The following ZDHHC2 variants were observed in gnomAD, a reference collection of about 807,000 sequenced individuals.
ZDHHC2 encodes the protein zDHHC palmitoyltransferase 2.
Under a neutral mutation model 55.6 loss-of-function variants are expected in ZDHHC2, and 51 were observed. That is an observed-to-expected ratio of 0.92 (90% CI 0.73 to 1.16). ZDHHC2 has a LOEUF of 1.16. Among genes scored for constraint, ZDHHC2 ranks in the 50% most tolerant of loss-of-function variants. The probability of loss-of-function intolerance (pLI) is 0.00; values close to 1 mark genes in which losing one functional copy is unlikely to be tolerated. For missense variants in ZDHHC2, 491 were observed against 442.4 expected (o/e 1.11, Z -0.99); for synonymous variants, 199 against 152.9 (o/e 1.30, Z -2.22).
At chr8:17,200,685 A>T (rs1806713868) in intron 6 of ZDHHC2, among the ~76,000 whole-genome samples, 1 of 152,230 alleles carries the variant, frequency 6.6e-6, no homozygotes, top group Admixed American at 6.5e-5. Flanking sequence ...ATTTGGCCTC[A>T]TGAGATACTT....
rs1554466016 is a variant in ZDHHC2, at chr8:17,199,509, T to TTCGTCTTCGTCTTCGTCTTCGTCTTCG, written c.476+1098_476+1099insGTCTTCGTCTTCGTCTTCGTCTTCGTC. On this transcript the variant is annotated intron_variant, in intron 6 of 12. Coordinates refer to ENST00000262096, the MANE Select transcript of ZDHHC2 (RefSeq NM_016353.5). ...CTTCTTCTTCTTCTTCTTCTTCTTC[T>TTCGTCTTCGTCTTCGTCTTCGTCTTCG]TCTTCGTCTTCGTCTTCGTCTTCTG... 3.3e-4 allele frequency among the ~76,000 whole-genome samples: 40 copies of TTCGTCTTCGTCTTCGTCTTCGTCTTCG among 121,174 alleles called. 1 individual carries two copies. The highest frequency in any genetic ancestry group is 1.4e-3 in the African/African-American group (39 of 27,306). 79.5% of individuals were successfully genotyped at this position (121,174 alleles called of 152,430 possible).
At chr8:17,189,706 A>G (rs1014581050) in intron 3 of ZDHHC2, among the ~76,000 whole-genome samples, 22 of 152,228 alleles carry the variant, frequency 1.4e-4, no homozygotes, top group African/African-American at 5.3e-4. Flanking sequence ...GATTGGACAG[A>G]GTGGCAAAAG....
chr8:17,199,464 GACTTCT>G (rs1806510667), intron 6 of ZDHHC2, among the ~76,000 whole-genome samples: 6 of 92,136 alleles, frequency 6.5e-5, no homozygotes, highest in Non-Finnish European at 6.2e-5. Context: ...TCTTTAATAA[GACTTCT>G]TCTTCTTCTT....
chr8:17,196,525 G>A (rs963834415), intron 4 of ZDHHC2, among the ~76,000 whole-genome samples: 1 of 151,824 alleles, frequency 6.6e-6, no homozygotes, highest in African/African-American at 2.4e-5. Context: ...CTGCACTGCC[G>A]CCTGGGTGAC....
intron 10 of ZDHHC2, among the ~76,000 whole-genome samples, chr8:17,213,631 C>G (rs1264045783): frequency 6.6e-6 from 1 of 152,090 alleles, no homozygotes; most frequent in Non-Finnish European, 1.5e-5. Flanking sequence ...TATTTCTCTT[C>G]CTCCATAACA....
At chr8:17,181,281 T>C (rs1240791932) in intron 1 of ZDHHC2, among the ~76,000 whole-genome samples, 1 of 152,248 alleles carries the variant, frequency 6.6e-6, no homozygotes, top group Non-Finnish European at 1.5e-5. Flanking sequence ...AGATGCTCTA[T>C]GCCAGTTCTT....
intron 10 of ZDHHC2, among the ~76,000 whole-genome samples, chr8:17,212,796 ATT>A (rs1199643178): frequency 1.3e-5 from 2 of 151,884 alleles, no homozygotes; most frequent in Non-Finnish European, 2.9e-5. Flanking sequence ...CCAGACAGTC[ATT>A]CTTTTTTTTT....
At chr8:17,159,603 T>C (rs1228390360) in intron 1 of ZDHHC2, among the ~76,000 whole-genome samples, 1 of 152,332 alleles carries the variant, frequency 6.6e-6, no homozygotes, top group African/African-American at 2.4e-5. Flanking sequence ...AGGCACTTTT[T>C]CAGTTAGCAT....
chr8:17,156,955 C>G (rs1428461920), intron 1 of ZDHHC2, 102 bp downstream of exon 1: 10 of 1,155,914 alleles, frequency 8.7e-6, no homozygotes, highest in Non-Finnish European at 1.1e-5. Flanking sequence ...CGGATGCGCC[C>G]CGGGCGCTGC....
rs779887437 is a variant in ZDHHC2 at position 17,198,433 on chromosome 8, A to C, written c.476+20A>C. On this transcript the variant is annotated intron_variant, in intron 6 of 12. Coordinates refer to ENST00000262096, the MANE Select transcript of ZDHHC2 (RefSeq NM_016353.5). ...TCCATGGTGAGTTGGCTGTATATTT[A>C]AACAAGTTTGTGTCCCTTGTAAATG... 3 of 1,591,412 alleles carry C rather than the reference A, an allele frequency of 1.9e-6. No homozygotes were observed. Among genetic ancestry groups the C allele is most frequent in the Non-Finnish European group, 2.6e-6 (3 of 1,170,132 alleles).
chr8:17,170,722 T>A (rs964452827), intron 1 of ZDHHC2, among the ~76,000 whole-genome samples: 1 of 152,202 alleles, frequency 6.6e-6, no homozygotes, highest in African/African-American at 2.4e-5. Context: ...ATGATAATTC[T>A]GAGTATACCA....
intron 3 of ZDHHC2, among the ~76,000 whole-genome samples, chr8:17,188,532 G>T (rs1805846696): frequency 6.6e-6 from 1 of 152,030 alleles, no homozygotes. Flanking sequence ...CATACTGGCA[G>T]CTCCTTCTTG....
intron 1 of ZDHHC2, among the ~76,000 whole-genome samples, chr8:17,175,470 C>T (rs1805082865): frequency 6.6e-6 from 1 of 152,166 alleles, no homozygotes; most frequent in Non-Finnish European, 1.5e-5. Context: ...ATTCACTATG[C>T]ACTTCTTCCC....
intron 3 of ZDHHC2, 101 bp from the exon 4 acceptor site, chr8:17,195,403 C>A: frequency 7.5e-7 from 1 of 1,325,594 alleles, no homozygotes; most frequent in Non-Finnish European, 1.0e-6. Flanking sequence ...TACAATATAC[C>A]ATTAATATTT....
At chr8:17,218,751 A>G (rs1312886702) in intron 12 of ZDHHC2, among the ~76,000 whole-genome samples, 1 of 152,096 alleles carries the variant, frequency 6.6e-6, no homozygotes, top group Non-Finnish European at 1.5e-5. Context: ...AAAATACCCG[A>G]TTTTCTGATG....
intron 8 of ZDHHC2, among the ~76,000 whole-genome samples, chr8:17,209,205 G>T (rs1220498194): frequency 1.3e-5 from 2 of 152,132 alleles, no homozygotes; most frequent in Non-Finnish European, 2.9e-5. Context: ...AGCTTCGATA[G>T]GCAGAATGAG....
chr8:17,199,494 TTCTTCTTCTTCTTCTTCTTC>T (rs1806529130), intron 6 of ZDHHC2, among the ~76,000 whole-genome samples: 1 of 105,504 alleles, frequency 9.5e-6, no homozygotes, highest in South Asian at 3.3e-4. Context: ...CTTCTTCTTC[TTCTTCTTCTTCTTCTTCTTC>T]GTCTTCGTCT....
intron 1 of ZDHHC2, among the ~76,000 whole-genome samples, chr8:17,160,381 C>G (rs994477328): frequency 6.6e-6 from 1 of 152,168 alleles, no homozygotes; most frequent in Non-Finnish European, 1.5e-5. Flanking sequence ...TCTGAATTTG[C>G]TTACGGTTTT....
At chr8:17,157,179 A>C (rs552515443) in intron 1 of ZDHHC2, among the ~76,000 whole-genome samples, 1 of 152,084 alleles carries the variant, frequency 6.6e-6, no homozygotes, top group South Asian at 2.1e-4. Context: ...CGCTGTGGAG[A>C]GGGGAGGCCG....
Sources: allele counts gnomAD v4.1 joint callset (sites outside exome capture counted in the v4.1 genomes callset), GRCh38; gene constraint gnomAD v4.1.1; transcripts MANE v1.5; gene names NCBI Gene and HGNC (gene_info 2026-07-23, HGNC 2026-07-21).